The following NOX4 variants were observed in gnomAD, a reference collection of about 807,000 sequenced individuals.
NOX4 encodes the protein kidney oxidase-1.
Under a neutral mutation model 87.6 loss-of-function variants are expected in NOX4, and 69 were observed. The observed-to-expected ratio is 0.79, with a 90% CI of 0.65 to 0.96. The LOEUF (loss-of-function observed/expected upper bound fraction) is 0.96, where lower values mean the gene tolerates loss of function less well. Among genes scored for constraint, NOX4 ranks in the 40% least tolerant of loss-of-function variants. NOX4 has a pLI of 0.00. For synonymous variants in NOX4, 275 were observed against 238.2 expected (o/e 1.15, Z -1.42); for missense variants, 680 against 681.5 (o/e 1.00, Z 0.02).
chr11:89,326,911 G>T (rs1257581966), intron 17 of NOX4, 35 bp from the exon 18 acceptor site: 1 of 1,609,262 alleles, frequency 6.2e-7, no homozygotes, highest in South Asian at 1.1e-5. Flanking sequence ...AAAATCAGGT[G>T]TAAAATTAGG....
At chr11:89,518,257 A>C in the NOX4 span, among the ~76,000 whole-genome samples, 1 of 152,058 alleles carries the variant, frequency 6.6e-6, no homozygotes. Flanking sequence ...TTGTACTTTA[A>C]CAGGAACAGA....
rs113028799 is a variant in NOX4 at position 89,379,488 on chromosome 11, T to C, written c.1075-5996A>G. Among the ~76,000 whole-genome samples the C allele has an allele frequency of 3.4e-3, 514 of 152,180 alleles. 1 individual carries two copies. The highest frequency in any genetic ancestry group is 6.2e-3 in the Non-Finnish European group (420 of 67,990). ...CCACAAACCCAAAGACAAGGAGACG[T>C]GAAACACAAAGCCTCTATGTATAGA... On this transcript the variant is annotated intron_variant, in intron 11 of 17. Transcript: ENST00000263317.
chr11:89,525,054 C>T, the NOX4 span, among the ~76,000 whole-genome samples: 2 of 151,886 alleles, frequency 1.3e-5, no homozygotes, highest in Admixed American at 1.3e-4. Flanking sequence ...AGTAGTTATC[C>T]ATTATATGAA....
chr11:89,551,522 C>G, the NOX4 span, among the ~76,000 whole-genome samples: 18 of 152,214 alleles, frequency 1.2e-4, no homozygotes, highest in African/African-American at 3.6e-4. Context: ...CTTCACATCC[C>G]TTGTAGGTTG....
intron 11 of NOX4, among the ~76,000 whole-genome samples, chr11:89,377,067 A>G (rs1201822608): frequency 6.6e-6 from 1 of 152,096 alleles, no homozygotes; most frequent in Non-Finnish European, 1.5e-5. Flanking sequence ...CAAAATAAAT[A>G]AATAAATACA....
At chr11:89,483,575 A>G (rs1333379500) in intron 2 of NOX4, among the ~76,000 whole-genome samples, 1 of 139,234 alleles carries the variant, frequency 7.2e-6, no homozygotes, top group African/African-American at 2.6e-5. Flanking sequence ...AGAAGTAGAG[A>G]GTAGAATGGT....
intron 4 of NOX4, among the ~76,000 whole-genome samples, chr11:89,448,305 G>C (rs753222389): frequency 1.3e-5 from 2 of 152,018 alleles, no homozygotes; most frequent in Middle Eastern, 3.2e-3. Flanking sequence ...TAGAACCTAC[G>C]CATGGACTCC....
chr11:89,434,030 AAAAG>A (rs2135320776), intron 6 of NOX4, among the ~76,000 whole-genome samples: 1 of 152,198 alleles, frequency 6.6e-6, no homozygotes, highest in South Asian at 2.1e-4. Flanking sequence ...GACTACAAAG[AAAAG>A]CTATTGGGAC....
chr11:89,587,094 T>A, the NOX4 span, among the ~76,000 whole-genome samples: 53 of 152,044 alleles, frequency 3.5e-4, no homozygotes, highest in African/African-American at 1.2e-3. Context: ...ACAGAAAAAA[T>A]AATCAGAATT....
the NOX4 span, among the ~76,000 whole-genome samples, chr11:89,558,822 A>G: frequency 6.6e-6 from 1 of 152,124 alleles, no homozygotes; most frequent in Non-Finnish European, 1.5e-5. Flanking sequence ...CTCACTGGGT[A>G]TACGCCATAC....
At chr11:89,401,409 C>T (rs116677050) in intron 9 of NOX4, among the ~76,000 whole-genome samples, 2,278 of 152,054 alleles carry the variant, frequency 0.015, 59 homozygotes, top group African/African-American at 0.051. Context: ...ATTATAGAGG[C>T]TAATAGGGAT....
Position 89,429,881 on chromosome 11 carries a change from G to A in NOX4, c.548+2903C>T, listed in dbSNP as rs186970068. Among the ~76,000 whole-genome samples the A allele has an allele frequency of 5.7e-3, 867 of 152,182 alleles. 4 individuals are homozygous for A. The highest frequency in any genetic ancestry group is 0.017 in the Middle Eastern group (5 of 294). ...AGGCCAGCATCATCCTAATACCAAA[G>A]CCTGGCAGAGACACAACAAAAAAAG... On this transcript the variant is annotated intron_variant, in intron 7 of 17. Coordinates refer to ENST00000263317, the MANE Select transcript of NOX4 (RefSeq NM_016931.5).
At chr11:89,347,014 T>A (rs1248039138) in intron 13 of NOX4, among the ~76,000 whole-genome samples, 4 of 152,170 alleles carry the variant, frequency 2.6e-5, no homozygotes, top group Admixed American at 6.5e-5. Flanking sequence ...GAATACTACC[T>A]TTTAGATCTC....
intron 2 of NOX4, among the ~76,000 whole-genome samples, chr11:89,456,318 T>A (rs1468142734): frequency 6.6e-6 from 1 of 152,196 alleles, no homozygotes; most frequent in Non-Finnish European, 1.5e-5. Context: ...TTAGAATACA[T>A]ATATTTTGAC....
At position 89,438,264 on chromosome 11, in the gene NOX4, AAT is replaced by A. The variant is rs997679829; in HGVS notation, c.475+2422_475+2423del. 8.8e-5 allele frequency among the ~76,000 whole-genome samples: 12 copies of A among 136,182 alleles called. No individual in the cohort carries two copies. The East Asian group carries it at 2.5e-3, about 28-fold the overall frequency. The allele number at this position is 136,182 out of a possible 152,430, so 89.3% of individuals were successfully genotyped here. ...ATAGTAATATATTATTATTATATAT[AAT>A]ATATAATAATATATATACTACATAT... is the stretch of plus-strand genomic sequence containing the variant. On this transcript the variant is annotated intron_variant, in intron 6 of 17. Coordinates refer to ENST00000263317, the MANE Select transcript of NOX4 (RefSeq NM_016931.5).
intron 17 of NOX4, among the ~76,000 whole-genome samples, chr11:89,333,993 A>T (rs1470228971): frequency 1.3e-5 from 2 of 151,700 alleles, no homozygotes; most frequent in Non-Finnish European, 3.0e-5. Flanking sequence ...TCGCTCTAAA[A>T]CACAAACAGC....
chr11:89,535,513 T>C, the NOX4 span, among the ~76,000 whole-genome samples: 1 of 152,328 alleles, frequency 6.6e-6, no homozygotes, highest in African/African-American at 2.4e-5. Context: ...ACGCCAGATG[T>C]TGTAGCAAAA....
intron 8 of NOX4, among the ~76,000 whole-genome samples, chr11:89,418,954 C>T (rs977759751): frequency 6.6e-6 from 1 of 152,042 alleles, no homozygotes; most frequent in Non-Finnish European, 1.5e-5. Context: ...ATCACCTCAT[C>T]TTTGAAGCCT....
intron 11 of NOX4, among the ~76,000 whole-genome samples, chr11:89,387,795 T>G (rs1205357340): frequency 6.6e-6 from 1 of 152,230 alleles, no homozygotes; most frequent in Admixed American, 6.5e-5. Context: ...CTCTAATTTA[T>G]ACAGGTAAAT....
Sources: gnomAD v4.1 joint callset for allele counts (sites outside exome capture counted in the v4.1 genomes callset) on GRCh38, gnomAD v4.1.1 for gene constraint, MANE v1.5 for transcripts, NCBI Gene and HGNC (gene_info 2026-07-23, HGNC 2026-07-21) for gene names.